Variants in TBC1D22A observed in about 807,000 individuals in gnomAD.
TBC1D22A encodes putative GTPase activator.
TBC1D22A carries 38 observed loss-of-function variants against 60.2 expected under a neutral mutation model. The observed-to-expected ratio is 0.63, with a 90% CI of 0.49 to 0.83. TBC1D22A has a LOEUF of 0.83. Among genes scored for constraint, TBC1D22A ranks in the 40% least tolerant of loss-of-function variants. The pLI is 0.00. For synonymous variants in TBC1D22A, 302 were observed against 281.7 expected (o/e 1.07, Z -0.72); for missense variants, 628 against 701.0 (o/e 0.90, Z 1.18).
At chr22:47,167,162 T>C (rs866391444) in intron 12 of TBC1D22A, among the ~76,000 whole-genome samples, 9 of 152,170 alleles carry the variant, frequency 5.9e-5, no homozygotes, top group African/African-American at 2.2e-4. Context: ...CCTTTTGGAG[T>C]TCTTCATGCA....
intron 4 of TBC1D22A, among the ~76,000 whole-genome samples, chr22:46,823,836 C>T (rs769438531): frequency 2.0e-5 from 3 of 152,186 alleles, no homozygotes; most frequent in African/African-American, 7.2e-5. Flanking sequence ...GGAGTGCGGC[C>T]GTGACCAGGA....
intron 4 of TBC1D22A, among the ~76,000 whole-genome samples, chr22:46,820,477 T>G (rs1261487361): frequency 6.6e-6 from 1 of 152,238 alleles, no homozygotes; most frequent in African/African-American, 2.4e-5. Context: ...ATTTCTGCCT[T>G]AATTTCATTA....
intron 4 of TBC1D22A, among the ~76,000 whole-genome samples, chr22:46,835,537 C>T (rs1339628922): frequency 1.3e-5 from 2 of 151,910 alleles, no homozygotes; most frequent in African/African-American, 4.8e-5. Flanking sequence ...TGAAATTACC[C>T]AATTAGAAAA....
intron 11 of TBC1D22A, among the ~76,000 whole-genome samples, chr22:47,067,285 A>G (rs921409589): frequency 5.9e-5 from 9 of 152,230 alleles, no homozygotes; most frequent in African/African-American, 1.9e-4. Context: ...CCCCATTTTA[A>G]CCACTCTGTC....
intron 9 of TBC1D22A, among the ~76,000 whole-genome samples, chr22:46,983,039 C>T (rs1417703991): frequency 2.0e-5 from 3 of 152,210 alleles, no homozygotes; most frequent in Non-Finnish European, 2.9e-5. Flanking sequence ...TTGTAGTCAT[C>T]GGGTCTGGGC....
At chr22:46,875,358 A>G (rs368174607) in intron 4 of TBC1D22A, among the ~76,000 whole-genome samples, 10 of 152,356 alleles carry the variant, frequency 6.6e-5, no homozygotes, top group African/African-American at 2.4e-4. Context: ...CTATGGTGAT[A>G]GATACCAGAA....
intron 1 of TBC1D22A, among the ~76,000 whole-genome samples, chr22:46,774,774 C>T (rs1034997922): frequency 6.6e-6 from 1 of 152,218 alleles, no homozygotes; most frequent in Non-Finnish European, 1.5e-5. Flanking sequence ...TGCATCCGCT[C>T]TGTTCCCACG....
chr22:47,094,933 C>G (rs1278114548), intron 11 of TBC1D22A, among the ~76,000 whole-genome samples: 1 of 152,134 alleles, frequency 6.6e-6, no homozygotes, highest in Non-Finnish European at 1.5e-5. Context: ...CAGACACATG[C>G]CGATAAGAAT....
At chr22:46,839,928 G>C (rs558245925) in intron 4 of TBC1D22A, among the ~76,000 whole-genome samples, 2 of 152,266 alleles carry the variant, frequency 1.3e-5, no homozygotes, top group African/African-American at 4.8e-5. Flanking sequence ...TTAACTCACG[G>C]CATATACAAA....
intron 4 of TBC1D22A, among the ~76,000 whole-genome samples, chr22:46,810,506 A>G (rs1207347239): frequency 6.6e-6 from 1 of 152,204 alleles, no homozygotes; most frequent in Admixed American, 6.5e-5. Context: ...ATATAGGTAT[A>G]ATCATCTTTT....
intron 1 of TBC1D22A, chr22:46,789,506 G>T: frequency 7.7e-6 from 2 of 261,406 alleles, no homozygotes; most frequent in South Asian, 6.9e-5. Context: ...TAGTTTGGAT[G>T]TGTTGTGCTT....
intron 4 of TBC1D22A, among the ~76,000 whole-genome samples, chr22:46,827,999 A>G (rs554790439): frequency 7.9e-5 from 12 of 152,284 alleles, no homozygotes; most frequent in Non-Finnish European, 1.8e-4. Flanking sequence ...CGTGCAGTGT[A>G]ATTTCCCCAC....
chr22:47,058,871 G>T (rs2063482340), intron 11 of TBC1D22A, among the ~76,000 whole-genome samples: 1 of 152,166 alleles, frequency 6.6e-6, no homozygotes, highest in South Asian at 2.1e-4. Flanking sequence ...GGGGCCCGCT[G>T]GACCCAGGTG....
intron 8 of TBC1D22A, among the ~76,000 whole-genome samples, chr22:46,972,428 C>T (rs576144115): frequency 5.9e-5 from 9 of 152,146 alleles, no homozygotes; most frequent in African/African-American, 9.7e-5. Context: ...AGAGACGCGG[C>T]GTGGCCTGGC....
Position 47,009,365 on chromosome 22 carries a change from C to T in TBC1D22A, c.1201+11656C>T, listed in dbSNP as rs2061684380. Among the ~76,000 whole-genome samples the T allele has an allele frequency of 1.3e-5, 2 of 151,814 alleles. No individual in the cohort carries two copies. Reference sequence around the variant, plus strand: ...TCATCACCACCATCATCATCACCATCACCATCATCATTTCATCACCATCAC... The same window carrying T: ...TCATCACCACCATCATCATCACCATTACCATCATCATTTCATCACCATCAC... On this transcript the variant is annotated intron_variant, in intron 10 of 12. Transcript: ENST00000337137. This position sits in a 1 kb window ranked among gnomAD's most constrained non-coding sequence, Gnocchi z 5.8.
At chr22:46,872,710 GA>G (rs1261736763) in intron 4 of TBC1D22A, among the ~76,000 whole-genome samples, 1 of 152,204 alleles carries the variant, frequency 6.6e-6, no homozygotes, top group African/African-American at 2.4e-5. Flanking sequence ...GAGTTTTGAG[GA>G]GGCCAAAACA....
intron 12 of TBC1D22A, among the ~76,000 whole-genome samples, chr22:47,159,555 TACAC>T (rs1433800498): frequency 2.0e-5 from 3 of 148,478 alleles, no homozygotes; most frequent in Admixed American, 6.7e-5. Flanking sequence ...ATACTCACAT[TACAC>T]ACACACTACA....
chr22:47,111,050 G>A (rs943674886), intron 11 of TBC1D22A, among the ~76,000 whole-genome samples: 4 of 152,204 alleles, frequency 2.6e-5, no homozygotes, highest in Non-Finnish European at 2.9e-5. Context: ...GACCCGGACC[G>A]GGTTGTGGTC....
intron 10 of TBC1D22A, among the ~76,000 whole-genome samples, chr22:47,033,953 C>A (rs114172733): frequency 6.6e-6 from 1 of 152,078 alleles, no homozygotes; most frequent in Non-Finnish European, 1.5e-5. Flanking sequence ...CACCTCCTGG[C>A]ACCCCCTTTG....
Sources: allele counts gnomAD v4.1 joint callset (sites outside exome capture counted in the v4.1 genomes callset), GRCh38; gene constraint gnomAD v4.1.1; non-coding constraint Gnocchi (gnomAD v3.1); transcripts MANE v1.5; gene names NCBI Gene and HGNC (gene_info 2026-07-23, HGNC 2026-07-21).